The following PTPN13 variants were observed in gnomAD, a reference collection of about 807,000 sequenced individuals.
PTPN13 encodes protein tyrosine phosphatase non-receptor type 13.
A neutral mutation model predicts 284.0 loss-of-function variants in PTPN13; 191 were observed. The ratio of observed to expected loss-of-function variants is 0.67; its 90% CI spans 0.60 to 0.76. The LOEUF is 0.76. Ranked by LOEUF, PTPN13 falls within the 30% of genes least tolerant of loss-of-function variation. PTPN13 has a pLI of 0.00. For missense variants in PTPN13, 2,797 were observed against 2,939.9 expected, an observed-to-expected ratio of 0.95 and a Z score of 1.12; for synonymous variants, 986 against 1,022.3, an observed-to-expected ratio of 0.96 and a Z score of 0.68.
intron 3 of PTPN13, among the ~76,000 whole-genome samples, chr4:86,681,549 A>G (rs146125987): frequency 2.0e-3 from 303 of 152,342 alleles, no homozygotes; most frequent in Non-Finnish European, 3.3e-3. Context: ...AACTGAAGCC[A>G]AAGTTAGAAT....
At position 86,785,329 on chromosome 4, in the gene PTPN13, T is replaced by C; in HGVS notation, c.6217T>C (p.Leu2073=). The change falls in exon 39 of 48, where the codon TTA becomes CTA. Residue 2073 remains leucine, a synonymous_variant. Transcript: ENST00000411767. ...TGTGGATGAGGAAGCCCAGAATCTT[T>C]TAAACGAAAATAATGCAGCAGGATA... The part of the protein sequence containing the change: ...DVVDEEAQNL[L]NENNAAGYSC... The C allele has an allele frequency of 1.9e-6, 3 of 1,611,756 alleles. No homozygotes were observed. The highest frequency in any genetic ancestry group is 2.5e-6 in the Non-Finnish European group (3 of 1,178,566).
intron 1 of PTPN13, among the ~76,000 whole-genome samples, chr4:86,598,202 A>G (rs1253224282): frequency 6.6e-6 from 1 of 151,648 alleles, no homozygotes; most frequent in African/African-American, 2.4e-5. Flanking sequence ...ACAGTGGCAC[A>G]ATCTTGTCTC....
chr4:86,614,237 A>G (rs1369283290), intron 1 of PTPN13, among the ~76,000 whole-genome samples: 1 of 152,176 alleles, frequency 6.6e-6, no homozygotes, highest in Non-Finnish European at 1.5e-5. Context: ...ACAACCCAAA[A>G]TTACCCCCAT....
Position 86,629,598 on chromosome 4 carries a change from G to C in PTPN13, c.-5-5654G>C, listed in dbSNP as rs569149774. Among the ~76,000 whole-genome samples, 43 of 152,154 alleles carry C rather than the reference G, an allele frequency of 2.8e-4. No homozygotes were observed. The South Asian group carries it at 5.6e-3, about 20-fold the overall frequency. On this transcript the variant is annotated intron_variant, in intron 1 of 47. Coordinates refer to ENST00000411767, the MANE Select transcript of PTPN13 (RefSeq NM_080683.3). ...TATCAATTTTGTTTTTCTAATCTGG[G>C]TCATGCATTTGTTTTCATATCTACA... is the stretch of plus-strand genomic sequence containing the variant.
At chr4:86,637,995 T>C (rs1429733692) in intron 2 of PTPN13, among the ~76,000 whole-genome samples, 1 of 151,936 alleles carries the variant, frequency 6.6e-6, no homozygotes, top group Non-Finnish European at 1.5e-5. Context: ...GGATACAAAA[T>C]CAATGTACAA....
chr4:86,634,073 G>T (rs1239805150), intron 1 of PTPN13, among the ~76,000 whole-genome samples: 1 of 152,120 alleles, frequency 6.6e-6, no homozygotes, highest in Admixed American at 6.5e-5. Context: ...TTTATAGTTG[G>T]AATTGCTTTT....
intron 5 of PTPN13, among the ~76,000 whole-genome samples, chr4:86,691,325 G>A (rs1459313804): frequency 6.6e-6 from 1 of 152,140 alleles, no homozygotes; most frequent in Non-Finnish European, 1.5e-5. Flanking sequence ...GATAAAGGCT[G>A]TGAAATGGGA....
chr4:86,670,664 T>C lies in PTPN13; in HGVS notation c.116-1701T>C, dbSNP rs138132176. On this transcript the variant is annotated intron_variant, in intron 2 of 47. Transcript: ENST00000411767. ...ATTGGTCTCCTAGTGTTTGTTCCCC[T>C]TAGTTGATAATTTGACAGAAATTGA... is the stretch of plus-strand genomic sequence containing the variant. Among the ~76,000 whole-genome samples the C allele has an allele frequency of 2.8e-3, 423 of 152,296 alleles. 4 individuals carry two copies. Among genetic ancestry groups the C allele is most frequent in the African/African-American group, 9.9e-3 (411 of 41,564 alleles).
chr4:86,608,168 C>T (rs1054134673), intron 1 of PTPN13, among the ~76,000 whole-genome samples: 1 of 151,830 alleles, frequency 6.6e-6, no homozygotes, highest in Non-Finnish European at 1.5e-5. Flanking sequence ...TAAAAACTTT[C>T]ATTTAAAAAG....
intron 19 of PTPN13, among the ~76,000 whole-genome samples, chr4:86,752,725 C>A (rs1388578476): frequency 6.6e-6 from 1 of 152,030 alleles, no homozygotes. Flanking sequence ...AACACTTGAA[C>A]AAATGAAAAA....
chr4:86,729,740 C>G (rs1362699804), intron 10 of PTPN13, among the ~76,000 whole-genome samples: 1 of 149,580 alleles, frequency 6.7e-6, no homozygotes, highest in East Asian at 1.9e-4. Context: ...AGCCATTCCT[C>G]TAACCTTTTT....
intron 3 of PTPN13, among the ~76,000 whole-genome samples, chr4:86,683,409 C>T (rs1401394865): frequency 6.6e-6 from 1 of 152,150 alleles, no homozygotes; most frequent in Non-Finnish European, 1.5e-5. Flanking sequence ...AGGAGGAAAA[C>T]ACTGATGTTC....
At chr4:86,637,191 C>T (rs1343632614) in intron 2 of PTPN13, among the ~76,000 whole-genome samples, 1 of 152,028 alleles carries the variant, frequency 6.6e-6, no homozygotes, top group Non-Finnish European at 1.5e-5. Context: ...TAATCAGTAG[C>T]TTACCAACCA....
intron 7 of PTPN13, among the ~76,000 whole-genome samples, chr4:86,712,962 C>T (rs1732598105): frequency 6.6e-6 from 1 of 151,752 alleles, no homozygotes; most frequent in Admixed American, 6.6e-5. Flanking sequence ...TATAAAGTAC[C>T]ACCAAAGAAT....
At position 86,700,450 on chromosome 4, in the gene PTPN13, T is replaced by C. The variant is rs143352798; in HGVS notation, c.635-791T>C. ...TCTGGATGGACATTTTTGGTGTGTGTCACATTTATAGACTACTGCCTTTTA... is the reference window on the plus strand; with the variant it reads ...TCTGGATGGACATTTTTGGTGTGTGCCACATTTATAGACTACTGCCTTTTA... On this transcript the variant is annotated intron_variant, in intron 6 of 47. Transcript: ENST00000411767. 1.4e-4 allele frequency among the ~76,000 whole-genome samples: 22 copies of C among 152,254 alleles called. No homozygotes were observed. In the East Asian group the frequency reaches 4.2e-3, roughly 29 times the overall value.
chr4:86,725,423 C>T (rs750487481), intron 10 of PTPN13, among the ~76,000 whole-genome samples: 2 of 149,452 alleles, frequency 1.3e-5, no homozygotes, highest in South Asian at 2.1e-4. Context: ...AACTACTTTA[C>T]GCTCCCACCA....
At chr4:86,698,783 G>C (rs553703311) in intron 6 of PTPN13, among the ~76,000 whole-genome samples, 1 of 152,258 alleles carries the variant, frequency 6.6e-6, no homozygotes, top group East Asian at 1.9e-4. Context: ...GTAGTTGGAG[G>C]CTGATTAAAG....
chr4:86,618,187 G>A lies in PTPN13; in HGVS notation c.-5-17065G>A, dbSNP rs555446302. Among the ~76,000 whole-genome samples, 180 of 151,974 alleles carry A rather than the reference G, an allele frequency of 1.2e-3. No individual in the cohort carries two copies. In the East Asian group the frequency reaches 0.021, roughly 18 times the overall value. On this transcript the variant is annotated intron_variant, in intron 1 of 47. Coordinates refer to ENST00000411767, the MANE Select transcript of PTPN13 (RefSeq NM_080683.3). ...AGCACCATTTATTAAATAGGGAATC[G>A]TTTCCCCATTTCTTGTTTTTGTCAG...
At chr4:86,670,924 A>C (rs1361069926) in intron 2 of PTPN13, among the ~76,000 whole-genome samples, 1 of 152,208 alleles carries the variant, frequency 6.6e-6, no homozygotes, top group Non-Finnish European at 1.5e-5. Context: ...TGATTCATTG[A>C]AATGTATTTG....
Sources: gnomAD v4.1 joint callset for allele counts (sites outside exome capture counted in the v4.1 genomes callset) on GRCh38, gnomAD v4.1.1 for gene constraint, MANE v1.5 for transcripts, NCBI Gene and HGNC (gene_info 2026-07-23, HGNC 2026-07-21) for gene names.